The following CRYBG3 variants were observed in gnomAD, a reference collection of about 807,000 sequenced individuals.
CRYBG3 encodes the protein very large A-kinase anchor protein.
Under a neutral mutation model 244.2 loss-of-function variants are expected in CRYBG3, and 127 were observed. The observed-to-expected ratio is 0.52, with a 90% CI of 0.45 to 0.60. The LOEUF (loss-of-function observed/expected upper bound fraction) is 0.60, where lower values mean the gene tolerates loss of function less well. Among genes scored for constraint, CRYBG3 ranks in the 20% least tolerant of loss-of-function variants. The pLI, the probability that CRYBG3 is intolerant of heterozygous loss-of-function variation, is 0.00. For missense variants in CRYBG3, 3,325 were observed against 3,442.5 expected, an observed-to-expected ratio of 0.97 and a Z score of 0.85; for synonymous variants, 1,132 against 1,195.8, an observed-to-expected ratio of 0.95 and a Z score of 1.10.
At chr3:97,835,722 G>T (rs997669775) in intron 1 of CRYBG3, among the ~76,000 whole-genome samples, 21 of 152,120 alleles carry the variant, frequency 1.4e-4, no homozygotes, top group Admixed American at 1.2e-3. Flanking sequence ...TCAGTTGGGG[G>T]GGAGGTCAGC....
chr3:97,841,394 G>A (rs2038816407), intron 1 of CRYBG3, among the ~76,000 whole-genome samples: 1 of 151,616 alleles, frequency 6.6e-6, no homozygotes, highest in Non-Finnish European at 1.5e-5. Flanking sequence ...TTAAGGATCT[G>A]TTTAGCGGTA....
At chr3:97,880,473 A>G (rs1203965694) in intron 6 of CRYBG3, among the ~76,000 whole-genome samples, 1 of 152,232 alleles carries the variant, frequency 6.6e-6, no homozygotes, top group African/African-American at 2.4e-5. Flanking sequence ...TGTGAAGGCC[A>G]CATAGTTAAA....
At chr3:97,827,447 A>T (rs2038593105) in intron 1 of CRYBG3, among the ~76,000 whole-genome samples, 1 of 152,192 alleles carries the variant, frequency 6.6e-6, no homozygotes, top group South Asian at 2.1e-4. Context: ...TGGCAGTTGT[A>T]CGTGGCCAAG....
chr3:97,908,517 T>C (rs1320866854), intron 15 of CRYBG3, among the ~76,000 whole-genome samples: 2 of 152,150 alleles, frequency 1.3e-5, no homozygotes, highest in African/African-American at 4.8e-5. Flanking sequence ...TTCTTTGTCT[T>C]TTTTGATCTT....
intron 2 of CRYBG3, among the ~76,000 whole-genome samples, chr3:97,857,357 T>C (rs553686605): frequency 6.6e-6 from 1 of 152,172 alleles, no homozygotes; most frequent in African/African-American, 2.4e-5. Flanking sequence ...AGCTATTAGA[T>C]GAAATGTTGT....
At chr3:97,843,312 C>A in intron 2 of CRYBG3, 51 bp downstream of exon 2, 2 of 843,030 alleles carry the variant, frequency 2.4e-6, no homozygotes, top group Non-Finnish European at 3.6e-6. Context: ...TCTTAAATTG[C>A]TGTTAATTCT....
In CRYBG3 at chr3:97,877,093, C is replaced by T; in HGVS notation, c.5899C>T (p.Leu1967Phe). The T allele has an allele frequency of 6.2e-7, 1 of 1,612,496 alleles. No homozygotes were observed. The highest frequency in any genetic ancestry group is 8.5e-7 in the Non-Finnish European group (1 of 1,179,214). Residue 1967 changes from leucine (L) to phenylalanine (F), a missense_variant, in exon 4 of 22, where the codon CTT (leucine) becomes TTT (phenylalanine). Leu to Phe is a conservative substitution (Grantham distance 22). Coordinates refer to ENST00000389622, the MANE Select transcript of CRYBG3 (RefSeq NM_153605.4). ...TTVRLDKRMS[L>F]TAIYDKRRET... ...AGTAAGACTAGACAAAAGAATGTCT[C>T]TTACTGCAATATATGACAAGAGGAG...
rs1463973948 is a variant in CRYBG3, at chr3:97,877,528, A to G, written c.6334A>G (p.Lys2112Glu). 6.2e-7 allele frequency: 1 copy of G among 1,614,034 alleles called. No individual in the cohort carries two copies. The highest frequency in any genetic ancestry group is 1.3e-5 in the African/African-American group (1 of 74,910). ...TTCACCTGGTCACCATGGCCCCAGG[A>G]AATCAAGAGACAGTGAAAACCAGTC... ...EVSPGHHGPRKSRDSENQSSS... is the reference protein window; with the variant it reads ...EVSPGHHGPRESRDSENQSSS... Residue 2112 changes from lysine (K) to glutamate (E), a missense_variant, in exon 4 of 22, where the codon AAA becomes GAA. Transcript: ENST00000389622.
At chr3:97,822,915 G>C (rs539292982) in intron 1 of CRYBG3, among the ~76,000 whole-genome samples, 80 of 152,324 alleles carry the variant, frequency 5.3e-4, no homozygotes, top group Non-Finnish European at 9.1e-4. Flanking sequence ...ATTTTTAAAA[G>C]GAATTGTGAT....
intron 17 of CRYBG3, among the ~76,000 whole-genome samples, chr3:97,922,449 G>T (rs2039993745): frequency 6.6e-6 from 1 of 152,030 alleles, no homozygotes; most frequent in Non-Finnish European, 1.5e-5. Context: ...TCTGACAAAG[G>T]GCTAATATCC....
At chr3:97,918,817 T>G (rs2039954271) in intron 17 of CRYBG3, among the ~76,000 whole-genome samples, 1 of 152,178 alleles carries the variant, frequency 6.6e-6, no homozygotes, top group African/African-American at 2.4e-5. Context: ...ATGACTATTT[T>G]CATGACAGGG....
In CRYBG3 at chr3:97,877,975, G is replaced by A. The variant is rs974644180; in HGVS notation, c.6781G>A (p.Glu2261Lys). The change falls in exon 4 of 22, where the codon GAA (glutamate) becomes AAA (lysine). Residue 2261 changes from glutamate to lysine, a missense_variant. By Grantham distance (56) the Glu-to-Lys change is moderately conservative (BLOSUM62 1). This residue lies in a region of CRYBG3 where 450 missense variants were observed against 424.1 expected (regional missense o/e 1.06). Coordinates refer to ENST00000389622, the MANE Select transcript of CRYBG3 (RefSeq NM_153605.4). The stretch of plus-strand genomic sequence containing the variant: ...AGCCAGATTTGGTGGAATTTTTCAG[G>A]AACCAGTGTCAAAATATTTCCGTGT... ...KGARFGGIFQ[E>K]PVSKYFRVQD... is the part of the protein sequence containing the mutation. 1.2e-6 allele frequency: 2 copies of A among 1,613,958 alleles called. No homozygotes were observed. Among genetic ancestry groups the A allele is most frequent in the East Asian group, 2.2e-5 (1 of 44,892 alleles).
intron 1 of CRYBG3, among the ~76,000 whole-genome samples, chr3:97,834,941 C>G: frequency 6.6e-6 from 1 of 152,114 alleles, no homozygotes; most frequent in South Asian, 2.1e-4. Context: ...AGCAAAAGCA[C>G]ACTCATAACC....
chr3:97,876,299 G>C lies in CRYBG3; in HGVS notation c.5105G>C (p.Ser1702Thr), dbSNP rs985590875. Residue 1702 changes from serine to threonine, a missense_variant, in exon 4 of 22, where the codon AGT (serine) becomes ACT (threonine). Physicochemically the swap from Ser to Thr is moderately conservative, Grantham distance 58. This residue lies in a region of CRYBG3 where 635 missense variants were observed against 771.7 expected (regional missense o/e 0.82). Coordinates refer to ENST00000389622, the MANE Select transcript of CRYBG3 (RefSeq NM_153605.4). The part of the protein sequence containing the change: ...NIHQKGGEGI[S>T]EKAEVIPVTL... ...CACCAAAAAGGTGGTGAAGGGATTAGTGAAAAGGCTGAAGTGATACCCGTT... is the reference window on the plus strand; with the variant it reads ...CACCAAAAAGGTGGTGAAGGGATTACTGAAAAGGCTGAAGTGATACCCGTT... The C allele has an allele frequency of 1.5e-5, 18 of 1,231,720 alleles. No homozygotes were observed. The highest frequency in any genetic ancestry group is 1.6e-5 in the African/African-American group (1 of 64,332). The allele number at this position is 1,231,720 out of a possible 1,614,324, so 76.3% of individuals were successfully genotyped here.
intron 3 of CRYBG3, among the ~76,000 whole-genome samples, chr3:97,866,117 A>G (rs2039227743): frequency 6.6e-6 from 1 of 152,214 alleles, no homozygotes; most frequent in Admixed American, 6.5e-5. Context: ...AATGCAAACT[A>G]AAATGAGAGT....
At chr3:97,833,575 G>T (rs1259801874) in intron 1 of CRYBG3, among the ~76,000 whole-genome samples, 1 of 152,028 alleles carries the variant, frequency 6.6e-6, no homozygotes, top group Non-Finnish European at 1.5e-5. Flanking sequence ...GGTTGTCAGG[G>T]GGTGTCTAGG....
At chr3:97,853,406 TACACACACACACACAC>T (rs57065921) in intron 2 of CRYBG3, among the ~76,000 whole-genome samples, 12 of 147,682 alleles carry the variant, frequency 8.1e-5, no homozygotes, top group Non-Finnish European at 1.0e-4. Flanking sequence ...ACACATACAA[TACACACACACACACAC>T]ACACACACAC....
chr3:97,828,574 C>T (rs950922433), intron 1 of CRYBG3, among the ~76,000 whole-genome samples: 1 of 149,686 alleles, frequency 6.7e-6, no homozygotes, highest in Non-Finnish European at 1.5e-5. Context: ...TGCCTGTAAT[C>T]CCAGCACTTT....
intron 4 of CRYBG3, 27 bp downstream of exon 4, chr3:97,878,064 T>A (rs1200660660): frequency 6.5e-7 from 1 of 1,535,448 alleles, no homozygotes. Context: ...ATTGTATTAA[T>A]AATAGTTATT....
Sources: allele counts gnomAD v4.1 joint callset (sites outside exome capture counted in the v4.1 genomes callset), GRCh38; gene constraint gnomAD v4.1.1; regional missense constraint gnomAD v4.1.1; transcripts MANE v1.5; gene names NCBI Gene and HGNC (gene_info 2026-07-23, HGNC 2026-07-21).